STK33: variants seen among roughly 807,000 people sequenced by gnomAD.
The protein encoded by STK33 is serine/threonine-protein kinase 33.
STK33 carries 52 observed loss-of-function variants against 58.0 expected under a neutral mutation model. The ratio of observed to expected loss-of-function variants is 0.90; its 90% CI spans 0.72 to 1.13. The LOEUF (loss-of-function observed/expected upper bound fraction) is 1.13, where lower values mean the gene tolerates loss of function less well. Among genes scored for constraint, STK33 ranks in the 50% most tolerant of loss-of-function variants. The pLI, the probability that STK33 is intolerant of heterozygous loss-of-function variation, is 0.00. For synonymous variants in STK33, 215 were observed against 200.1 expected (o/e 1.07, Z -0.63); for missense variants, 630 against 604.2 (o/e 1.04, Z -0.45).
At chr11:8,522,830 C>A (rs1056762550) in intron 1 of STK33, among the ~76,000 whole-genome samples, 2 of 152,160 alleles carry the variant, frequency 1.3e-5, no homozygotes, top group Admixed American at 1.3e-4. Context: ...CACGGTCTCC[C>A]TCTGATGCCC....
chr11:8,563,481 T>C (rs191230588), intron 1 of STK33, among the ~76,000 whole-genome samples: 7 of 152,292 alleles, frequency 4.6e-5, no homozygotes, highest in East Asian at 3.9e-4. Context: ...TGTAGGTATA[T>C]GAATGTAAAA....
At chr11:8,558,970 A>C (rs911268816) in intron 1 of STK33, among the ~76,000 whole-genome samples, 6 of 152,218 alleles carry the variant, frequency 3.9e-5, no homozygotes. Context: ...GAGCCCAATG[A>C]AATCACAAGA....
intron 11 of STK33, among the ~76,000 whole-genome samples, chr11:8,447,806 G>C (rs1427734197): frequency 2.0e-5 from 3 of 152,154 alleles, no homozygotes; most frequent in Non-Finnish European, 4.4e-5. Context: ...GCAGGAGAAG[G>C]AAATAAAGGG....
intron 1 of STK33, among the ~76,000 whole-genome samples, chr11:8,500,172 T>C (rs944019356): frequency 5.3e-5 from 8 of 152,114 alleles, no homozygotes; most frequent in African/African-American, 1.9e-4. Flanking sequence ...CATTTCTATT[T>C]AAGATTGTAC....
chr11:8,403,068 G>C (rs1014698551), intron 15 of STK33, among the ~76,000 whole-genome samples: 2 of 152,166 alleles, frequency 1.3e-5, no homozygotes, highest in Admixed American at 1.3e-4. Context: ...GGGGGAGAAA[G>C]ATAACAGAGG....
chr11:8,362,242 T>C, the STK33 span, among the ~76,000 whole-genome samples: 1 of 152,218 alleles, frequency 6.6e-6, no homozygotes, highest in South Asian at 2.1e-4. Flanking sequence ...AGAAAAATAG[T>C]GTGCCCATTT....
chr11:8,418,261 G>A (rs1010739514), intron 14 of STK33, among the ~76,000 whole-genome samples: 19 of 151,806 alleles, frequency 1.3e-4, no homozygotes, highest in African/African-American at 4.6e-4. Context: ...CCCTCAAGTA[G>A]TCCCAGTGTC....
intron 15 of STK33, among the ~76,000 whole-genome samples, chr11:8,412,948 T>C (rs1476031847): frequency 6.6e-6 from 1 of 152,146 alleles, no homozygotes; most frequent in Non-Finnish European, 1.5e-5. Context: ...TAAGGTAAAA[T>C]AATAAACCTA....
At chr11:8,496,834 A>G (rs1951096926) in intron 1 of STK33, among the ~76,000 whole-genome samples, 1 of 152,060 alleles carries the variant, frequency 6.6e-6, no homozygotes, top group African/African-American at 2.4e-5. Context: ...TCGGCCTCCC[A>G]AAGTGCTAGG....
chr11:8,498,411 T>C (rs1333011608), intron 1 of STK33, among the ~76,000 whole-genome samples: 1 of 152,096 alleles, frequency 6.6e-6, no homozygotes, highest in Non-Finnish European at 1.5e-5. Context: ...CAAGGGGAAC[T>C]ACAAACCCTG....
At chr11:8,465,602 C>T (rs1295015111) in intron 6 of STK33, 1 of 152,120 alleles carries the variant, frequency 6.6e-6, no homozygotes, top group Non-Finnish European at 1.5e-5. Context: ...AAATCAACTC[C>T]AGGGAATTAA....
intron 1 of STK33, among the ~76,000 whole-genome samples, chr11:8,557,120 G>A (rs1236051474): frequency 6.6e-6 from 1 of 150,934 alleles, no homozygotes; most frequent in East Asian, 2.0e-4. Flanking sequence ...CCATCATGGT[G>A]CATGCCTGTG....
chr11:8,568,407 A>G (rs1957587038), intron 1 of STK33, among the ~76,000 whole-genome samples: 1 of 152,196 alleles, frequency 6.6e-6, no homozygotes, highest in African/African-American at 2.4e-5. Flanking sequence ...ATAATGAATT[A>G]TATATGTAAA....
At chr11:8,346,428 C>G in the STK33 span, among the ~76,000 whole-genome samples, 3 of 152,196 alleles carry the variant, frequency 2.0e-5, no homozygotes, top group Admixed American at 2.0e-4. Context: ...AGGACATGGG[C>G]AAGGCCAGAG....
At chr11:8,402,052 G>A (rs1414689539) in intron 15 of STK33, among the ~76,000 whole-genome samples, 1 of 152,220 alleles carries the variant, frequency 6.6e-6, no homozygotes, top group Non-Finnish European at 1.5e-5. Flanking sequence ...GTGGAAGTCA[G>A]TGTGGCGATT....
At chr11:8,590,296 C>G (rs751671443) in intron 1 of STK33, among the ~76,000 whole-genome samples, 1 of 152,252 alleles carries the variant, frequency 6.6e-6, no homozygotes, top group Admixed American at 6.5e-5. Flanking sequence ...ACTTTTTACA[C>G]ATACACTATA....
At chr11:8,492,588 C>G (rs1211206818) in intron 1 of STK33, among the ~76,000 whole-genome samples, 1 of 152,156 alleles carries the variant, frequency 6.6e-6, no homozygotes, top group African/African-American at 2.4e-5. Context: ...AGCTGTGCAC[C>G]AAGCCAACTA....
intron 1 of STK33, among the ~76,000 whole-genome samples, chr11:8,487,693 T>G (rs1001170265): frequency 2.6e-5 from 4 of 152,016 alleles, no homozygotes; most frequent in African/African-American, 9.7e-5. Flanking sequence ...TGGCTCAAAA[T>G]TTTCAAATAA....
chr11:8,426,400 G>C (rs1942763882), intron 14 of STK33, among the ~76,000 whole-genome samples: 1 of 152,188 alleles, frequency 6.6e-6, no homozygotes, highest in Non-Finnish European at 1.5e-5. Context: ...GCCCAGGATG[G>C]GGGCATGTCA....
Sources: allele counts gnomAD v4.1 joint callset (sites outside exome capture counted in the v4.1 genomes callset), GRCh38; gene constraint gnomAD v4.1.1; transcripts MANE v1.5; gene names NCBI Gene and HGNC (gene_info 2026-07-23, HGNC 2026-07-21).